The following PAK4 variants were observed in gnomAD, a reference collection of about 807,000 sequenced individuals.
PAK4 encodes serine/threonine-protein kinase PAK 4.
In PAK4, 49 loss-of-function variants were observed where a neutral mutation model predicts 53.5. That is an observed-to-expected ratio of 0.92 (90% CI 0.73 to 1.16). The LOEUF is 1.16. Ranked by LOEUF, PAK4 falls within the 50% of genes most tolerant of loss-of-function variation. PAK4 has a pLI of 0.00. For missense variants in PAK4, 824 were observed against 850.7 expected, an observed-to-expected ratio of 0.97 and a Z score of 0.39; for synonymous variants, 376 against 375.6, an observed-to-expected ratio of 1.00 and a Z score of -0.01.
chr19:39,172,344 T>C (rs1192595205), intron 2 of PAK4, among the ~76,000 whole-genome samples: 1 of 152,170 alleles, frequency 6.6e-6, no homozygotes, highest in Middle Eastern at 3.2e-3. Flanking sequence ...CACTGGATGC[T>C]CTGCCTGGTC....
intron 1 of PAK4, among the ~76,000 whole-genome samples, chr19:39,127,859 T>C (rs1184272532): frequency 6.6e-6 from 1 of 152,126 alleles, no homozygotes; most frequent in Non-Finnish European, 1.5e-5. Flanking sequence ...GGAATGGGCT[T>C]ACCAGGCAGG....
intron 1 of PAK4, among the ~76,000 whole-genome samples, chr19:39,140,278 T>C (rs1325376943): frequency 1.3e-5 from 2 of 152,170 alleles, no homozygotes; most frequent in African/African-American, 4.8e-5. Flanking sequence ...AGATGGGTTC[T>C]GCAGGCCCAG....
chr19:39,151,765 C>T (rs577257793), intron 1 of PAK4, among the ~76,000 whole-genome samples: 56 of 152,268 alleles, frequency 3.7e-4, no homozygotes, highest in Admixed American at 2.1e-3. Context: ...ATAACCAATT[C>T]ATATGTTTTA....
chr19:39,158,238 TGC>T (rs2074225798), intron 1 of PAK4, among the ~76,000 whole-genome samples: 1 of 150,314 alleles, frequency 6.7e-6, no homozygotes, highest in Non-Finnish European at 1.5e-5. Context: ...TGCATGTGTG[TGC>T]GCGCATGTGT....
chr19:39,131,430 C>T (rs1281722459), intron 1 of PAK4, among the ~76,000 whole-genome samples: 1 of 152,174 alleles, frequency 6.6e-6, no homozygotes, highest in East Asian at 1.9e-4. Context: ...AGGGGTGTCC[C>T]CAGCAGCTGT....
At chr19:39,133,074 C>T (rs2073743800) in intron 1 of PAK4, among the ~76,000 whole-genome samples, 1 of 152,206 alleles carries the variant, frequency 6.6e-6, no homozygotes, top group Non-Finnish European at 1.5e-5. Context: ...TCTGGAGCTC[C>T]TAACCCATCT....
downstream of PAK4, chr19:39,181,658 C>G (rs2074701874): frequency 6.6e-6 from 1 of 152,294 alleles, no homozygotes; most frequent in African/African-American, 2.4e-5. Flanking sequence ...TCTACAGATC[C>G]ATGTTTCAGG....
rs2074538232 is a variant in PAK4, at chr19:39,173,686, C to T, written c.774C>T (p.Ser258=). 1 of 1,590,522 alleles carries T rather than the reference C, an allele frequency of 6.3e-7. No homozygotes were observed. The highest frequency in any genetic ancestry group is 8.6e-7 in the Non-Finnish European group (1 of 1,169,388). ...CCACCCGAGCCCGAGGTGCCCCCAG[C>T]CCTGGAGTGCTGGGACCCCACGCCT... The change falls in exon 4 of 9, where the codon AGC becomes AGT. Residue 258 remains serine (S), a synonymous_variant. Transcript: ENST00000358301. The surrounding 1 kb of genome is among the most constrained non-coding windows in gnomAD (Gnocchi z 6.9).
intron 1 of PAK4, among the ~76,000 whole-genome samples, chr19:39,131,454 G>A (rs2073709277): frequency 6.6e-6 from 1 of 152,080 alleles, no homozygotes; most frequent in Non-Finnish European, 1.5e-5. Flanking sequence ...TCCCATCACC[G>A]AGCCCAGCCC....
chr19:39,179,894 A>C (rs1021562574), downstream of PAK4: 1 of 152,178 alleles, frequency 6.6e-6, no homozygotes, highest in South Asian at 2.1e-4. Context: ...CGCTGGGGGG[A>C]ATCTGACTGG....
chr19:39,171,936 G>A (rs1390381298), intron 2 of PAK4, among the ~76,000 whole-genome samples: 1 of 152,224 alleles, frequency 6.6e-6, no homozygotes, highest in Non-Finnish European at 1.5e-5. Context: ...AAGCAGACAG[G>A]AAAAAACAAT....
At chr19:39,154,299 G>C (rs2074140408) in intron 1 of PAK4, among the ~76,000 whole-genome samples, 1 of 152,198 alleles carries the variant, frequency 6.6e-6, no homozygotes, top group African/African-American at 2.4e-5. Flanking sequence ...AGCAGCGTGG[G>C]AGAGCCACGG....
intron 4 of PAK4, 133 bp downstream of exon 5, chr19:39,174,143 T>C: frequency 1.5e-6 from 1 of 653,152 alleles, no homozygotes; most frequent in East Asian, 2.8e-5. Context: ...CTCTTCTCCC[T>C]CCCCAGGCCG....
chr19:39,137,025 C>T (rs981694129), intron 1 of PAK4, among the ~76,000 whole-genome samples: 3 of 152,192 alleles, frequency 2.0e-5, no homozygotes, highest in African/African-American at 7.2e-5. Flanking sequence ...GTCTTGACAG[C>T]TGCTTGGGCC....
intron 1 of PAK4, among the ~76,000 whole-genome samples, chr19:39,130,198 A>G (rs73930287): frequency 0.1 from 7,638 of 76,704 alleles, 880 homozygotes; most frequent in African/African-American, 0.29. Context: ...GCGGGATGGG[A>G]GCGGGGACCC....
chr19:39,145,625 C>A (rs1024509170), intron 1 of PAK4, among the ~76,000 whole-genome samples: 17 of 152,212 alleles, frequency 1.1e-4, no homozygotes, highest in African/African-American at 3.6e-4. Flanking sequence ...GACCCAGTTA[C>A]AGCCGTGATG....
intron 1 of PAK4, among the ~76,000 whole-genome samples, chr19:39,157,232 C>T (rs1198490031): frequency 1.3e-5 from 2 of 151,616 alleles, no homozygotes; most frequent in South Asian, 2.1e-4. Context: ...GGGGGTGCCT[C>T]CTAGTGTAGC....
chr19:39,173,361 A>C lies in PAK4; in HGVS notation c.648A>C (p.Pro216=), dbSNP rs1366442335. Reference sequence around the variant, plus strand: ...ACCCGAGGGCTGACACGGACCACCCATCCCGGGGTGCCCAGGTAACCCATC... The same window carrying C: ...ACCCGAGGGCTGACACGGACCACCCCTCCCGGGGTGCCCAGGTAACCCATC... The change falls in exon 3 of 9, where the codon CCA becomes CCC. Residue 216 remains proline, a synonymous_variant. Coordinates refer to ENST00000358301, the Ensembl canonical transcript of PAK4. This position sits in a 1 kb window ranked among gnomAD's most constrained non-coding sequence, Gnocchi z 6.9. 1 of 1,534,690 alleles carries C rather than the reference A, an allele frequency of 6.5e-7. No homozygotes were observed. The highest frequency in any genetic ancestry group is 2.3e-5 in the East Asian group (1 of 43,822).
chr19:39,136,070 C>T (rs1365680469), intron 1 of PAK4, among the ~76,000 whole-genome samples: 2 of 134,452 alleles, frequency 1.5e-5, no homozygotes, highest in African/African-American at 5.5e-5. Context: ...CGTCACCCTT[C>T]TTCCTTGTCA....
Sources: gnomAD v4.1 joint callset for allele counts (sites outside exome capture counted in the v4.1 genomes callset) on GRCh38, gnomAD v4.1.1 for gene constraint, Gnocchi (gnomAD v3.1) non-coding constraint, MANE v1.5 for transcripts, NCBI Gene and HGNC (gene_info 2026-07-23, HGNC 2026-07-21) for gene names.